The following RAB12 variants were observed in gnomAD, a reference collection of about 807,000 sequenced individuals.
The protein encoded by RAB12 is RAB12, member RAS oncogene family.
RAB12 carries 11 observed loss-of-function variants against 28.4 expected under a neutral mutation model. The observed-to-expected ratio is 0.39, with a 90% CI of 0.24 to 0.64. RAB12 has a LOEUF of 0.64. Ranked by LOEUF, RAB12 falls within the 30% of genes least tolerant of loss-of-function variation. The probability of loss-of-function intolerance (pLI) is 0.50; values close to 1 mark genes in which losing one functional copy is unlikely to be tolerated. For synonymous variants in RAB12, 138 were observed against 145.3 expected, an observed-to-expected ratio of 0.95 and a Z score of 0.36; for missense variants, 276 against 351.1, an observed-to-expected ratio of 0.79 and a Z score of 1.71.
In RAB12 at chr18:8,609,762, G is replaced by T. The variant is rs1185791654; in HGVS notation, c.323G>T (p.Gly108Val). ...DPGAALQRRA[G>V]GGGGLGAGSP... ...GGCGCCGCGCTGCAGAGGCGGGCCG[G>T]GGGCGGCGGCGGTCTGGGCGCGGGC... The change falls in exon 1 of 6, where the codon GGG becomes GTG. Residue 108 changes from glycine to valine, a missense_variant. By Grantham distance (109) the Gly-to-Val change is moderately radical. This residue lies in a region of RAB12 where 72 missense variants were observed against 55.5 expected (regional missense o/e 1.30). Coordinates refer to ENST00000649141, the MANE Select transcript of RAB12 (RefSeq NM_001025300.3). 1 of 1,263,856 alleles carries T rather than the reference G, an allele frequency of 7.9e-7. No homozygotes were observed. 78.3% of individuals were successfully genotyped at this position (1,263,856 alleles called of 1,614,324 possible).
chr18:8,625,555 C>G (rs1450102027), intron 2 of RAB12, among the ~76,000 whole-genome samples: 2 of 152,166 alleles, frequency 1.3e-5, no homozygotes, highest in African/African-American at 4.8e-5. Flanking sequence ...TTTCTCAAAT[C>G]ACAATTGGAA....
At chr18:8,612,999 A>G (rs2096004683) in intron 1 of RAB12, among the ~76,000 whole-genome samples, 2 of 152,276 alleles carry the variant, frequency 1.3e-5, no homozygotes, top group South Asian at 2.1e-4. Flanking sequence ...TGAACTTTCT[A>G]TAAAAGATCC....
At chr18:8,614,944 G>A (rs998611974) in intron 1 of RAB12, among the ~76,000 whole-genome samples, 1 of 152,152 alleles carries the variant, frequency 6.6e-6, no homozygotes, top group African/African-American at 2.4e-5. Flanking sequence ...AAACTTCACA[G>A]CCTGGCCCCC....
At chr18:8,621,726 G>C (rs1330274315) in intron 1 of RAB12, among the ~76,000 whole-genome samples, 5 of 152,088 alleles carry the variant, frequency 3.3e-5, no homozygotes, top group Admixed American at 6.6e-5. Context: ...CCCAGGCAGT[G>C]AGCATAGGAC....
chr18:8,635,405 A>C lies in RAB12; in HGVS notation c.715-128A>C, dbSNP rs1010897281. ...CCAGTCCTGCCTGGGAACTGGTAGA[A>C]CCTCAAAGACAGTGGAAGTGAATGG... is the stretch of plus-strand genomic sequence containing the variant. On this transcript the variant is annotated intron_variant, in intron 3 of 5. Transcript: ENST00000649141. 1.4e-5 allele frequency: 10 copies of C among 692,306 alleles called. No homozygotes were observed. The African/African-American group carries it at 1.8e-4, about 13-fold the overall frequency. The allele number at this position is 692,306 out of a possible 1,614,324, so 42.9% of individuals were successfully genotyped here.
chr18:8,615,760 T>G (rs1308066693), intron 1 of RAB12, among the ~76,000 whole-genome samples: 1 of 152,206 alleles, frequency 6.6e-6, no homozygotes, highest in Non-Finnish European at 1.5e-5. Flanking sequence ...GCATGCAGAT[T>G]TAGTTGGTGT....
chr18:8,636,316 G>A lies in RAB12; in HGVS notation c.868G>A (p.Asp290Asn), dbSNP rs774458861. 6 of 1,611,174 alleles carry A rather than the reference G, an allele frequency of 3.7e-6. No individual in the cohort carries two copies. Among genetic ancestry groups the A allele is most frequent in the Non-Finnish European group, 8.5e-7 (1 of 1,178,986 alleles). Reference protein sequence around the residue: ...EASAKDNFNVDEIFLKLVDDI... With the variant: ...EASAKDNFNVNEIFLKLVDDI... ...AAGTGCCAAGGATAACTTCAATGTGGACGAGATATTTTTGAAACTTGTCGA... is the reference window on the plus strand; with the variant it reads ...AAGTGCCAAGGATAACTTCAATGTGAACGAGATATTTTTGAAACTTGTCGA... The change falls in exon 5 of 6, where the codon GAC becomes AAC. Residue 290 changes from aspartate to asparagine, a missense_variant. Asp to Asn is a conservative substitution (Grantham distance 23). This residue lies in a region of RAB12 where 127 missense variants were observed against 161.4 expected (regional missense o/e 0.79). Transcript: ENST00000649141.
At chr18:8,610,132 G>T in intron 1 of RAB12, 179 bp downstream of exon 1, 2 of 527,120 alleles carry the variant, frequency 3.8e-6, no homozygotes, top group Middle Eastern at 2.9e-4. Flanking sequence ...CCTGGCAGAG[G>T]TTTTCGTGCC....
chr18:8,620,139 C>CTTTTTTTTTTTTTT (rs71165795), intron 1 of RAB12, among the ~76,000 whole-genome samples: 13 of 53,948 alleles, frequency 2.4e-4, no homozygotes, highest in African/African-American at 5.5e-4. Flanking sequence ...TTTTCTTCTT[C>CTTTTTTTTTTTTTT]TTTTTTTTTT....
In RAB12 at chr18:8,609,752, A is replaced by G. The variant is rs1598305550; in HGVS notation, c.313A>G (p.Arg105Gly). The G allele has an allele frequency of 3.2e-6, 4 of 1,233,108 alleles. No homozygotes were observed. In the East Asian group the frequency reaches 1.4e-4, roughly 44 times the overall value. The allele number at this position is 1,233,108 out of a possible 1,614,324, so 76.4% of individuals were successfully genotyped here. Residue 105 changes from arginine (R) to glycine (G), a missense_variant, in exon 1 of 6, where the codon AGG becomes GGG. Physicochemically the swap from Arg to Gly is moderately radical, Grantham distance 125. Coordinates refer to ENST00000649141, the MANE Select transcript of RAB12 (RefSeq NM_001025300.3). ...ACMDPGAALQ[R>G]RAGGGGGLGA... is the part of the protein sequence containing the mutation. The stretch of plus-strand genomic sequence containing the variant: ...TATGGATCCGGGCGCCGCGCTGCAG[A>G]GGCGGGCCGGGGGCGGCGGCGGTCT...
chr18:8,628,504 G>A (rs2148710144), intron 2 of RAB12, among the ~76,000 whole-genome samples: 1 of 152,264 alleles, frequency 6.6e-6, no homozygotes, highest in African/African-American at 2.4e-5. Context: ...CCAAACAGTG[G>A]CATTTAAGGA....
At chr18:8,620,233 C>A (rs2096009149) in intron 1 of RAB12, among the ~76,000 whole-genome samples, 1 of 143,220 alleles carries the variant, frequency 7.0e-6, no homozygotes, top group Non-Finnish European at 1.5e-5. Flanking sequence ...TCTCTGTAGC[C>A]TGCGTGCTTT....
At chr18:8,633,581 C>T (rs1440082641) in intron 3 of RAB12, among the ~76,000 whole-genome samples, 1 of 152,190 alleles carries the variant, frequency 6.6e-6, no homozygotes, top group Non-Finnish European at 1.5e-5. Flanking sequence ...CAAACATGCT[C>T]ATTCCACTAC....
At chr18:8,627,783 G>C (rs1223071839) in intron 2 of RAB12, among the ~76,000 whole-genome samples, 1 of 152,192 alleles carries the variant, frequency 6.6e-6, no homozygotes, top group Non-Finnish European at 1.5e-5. Flanking sequence ...CCAGTCCACT[G>C]TTGGGGGACT....
intron 2 of RAB12, among the ~76,000 whole-genome samples, chr18:8,628,186 A>T (rs2096013925): frequency 6.6e-6 from 1 of 152,240 alleles, no homozygotes; most frequent in Non-Finnish European, 1.5e-5. Context: ...TTTCATAGAA[A>T]GGTGAAAGCA....
intron 1 of RAB12, among the ~76,000 whole-genome samples, chr18:8,614,510 A>G (rs1342444492): frequency 1.4e-5 from 2 of 141,532 alleles, no homozygotes; most frequent in Non-Finnish European, 3.1e-5. Context: ...AACATTAAAA[A>G]AAAAAAAAGA....
chr18:8,625,485 C>A (rs541606727), intron 2 of RAB12, among the ~76,000 whole-genome samples: 5 of 152,316 alleles, frequency 3.3e-5, no homozygotes, highest in African/African-American at 1.2e-4. Context: ...TCCGGCTGTA[C>A]TGCTGATTCC....
chr18:8,634,785 A>ACGGC (rs1485014962), intron 3 of RAB12, among the ~76,000 whole-genome samples: 1 of 152,224 alleles, frequency 6.6e-6, no homozygotes, highest in Non-Finnish European at 1.5e-5. Context: ...TAACTGGCCC[A>ACGGC]CGGCCACACC....
At chr18:8,633,435 T>G in intron 3 of RAB12, 108 bp downstream of exon 3, 2 of 1,278,566 alleles carry the variant, frequency 1.6e-6, no homozygotes, top group East Asian at 2.3e-5. Context: ...TCATATAGAC[T>G]AAACATCATT....
Sources: gnomAD v4.1 joint callset for allele counts (sites outside exome capture counted in the v4.1 genomes callset) on GRCh38, gnomAD v4.1.1 for gene constraint, gnomAD v4.1.1 regional missense constraint, MANE v1.5 for transcripts, NCBI Gene and HGNC (gene_info 2026-07-23, HGNC 2026-07-21) for gene names.